LMF1: variants seen among roughly 807,000 people sequenced by gnomAD.
LMF1 encodes transmembrane protein 112.
LMF1 carries 68 observed loss-of-function variants against 60.6 expected under a neutral mutation model. The observed-to-expected ratio is 1.12, with a 90% CI of 0.92 to 1.37. The LOEUF is 1.37. LMF1 is among the 40% of genes most tolerant of loss of function. LMF1 has a pLI of 0.00. For synonymous variants in LMF1, 418 were observed against 324.7 expected (o/e 1.29, Z -3.09); for missense variants, 948 against 767.2 (o/e 1.24, Z -2.78).
At chr16:978,096 CGG>C (rs1567350754) in intron 1 of LMF1, among the ~76,000 whole-genome samples, 1 of 137,164 alleles carries the variant, frequency 7.3e-6, no homozygotes, top group African/African-American at 2.8e-5. Flanking sequence ...CAAACACACA[CGG>C]ACACACACAC....
chr16:893,285 T>G (rs1414609048), intron 4 of LMF1: 2 of 661,896 alleles, frequency 3.0e-6, no homozygotes, highest in Admixed American at 4.1e-5. Context: ...AGGAGTTTAG[T>G]GCACACCGCG....
chr16:855,800 T>C (rs1277490795), intron 10 of LMF1: 1 of 456,024 alleles, frequency 2.2e-6, no homozygotes. Context: ...AGCGACTGTC[T>C]GGGCTGCTGT....
intron 1 of LMF1, among the ~76,000 whole-genome samples, chr16:957,008 T>G (rs1014041472): frequency 1.3e-5 from 2 of 151,538 alleles, no homozygotes; most frequent in Non-Finnish European, 2.9e-5. Flanking sequence ...AATACAAAAA[T>G]TAGTCGGATG....
intron 5 of LMF1, among the ~76,000 whole-genome samples, chr16:888,736 TG>T (rs35181727): frequency 0.75 from 113,302 of 151,952 alleles, 42,277 homozygotes; most frequent in East Asian, 0.79. Flanking sequence ...CCAGAAGCAC[TG>T]GGGGGGGTCC....
rs553802836 is a variant in LMF1 at position 929,114 on chromosome 16, A to G, written c.514+5130T>C. ...CATCTCAGCGGCCAGTGGGGTCACA[A>G]TGCTGTCCCATCCCGCGCCTGAAAA... is the stretch of plus-strand genomic sequence containing the variant. On this transcript the variant is annotated intron_variant, in intron 3 of 10. Transcript: ENST00000262301. 3.0e-3 allele frequency among the ~76,000 whole-genome samples: 451 copies of G among 152,130 alleles called. 3 individuals carry two copies. The highest frequency in any genetic ancestry group is 0.01 in the African/African-American group (430 of 41,534).
chr16:888,465 T>A (rs2070377101), intron 5 of LMF1, among the ~76,000 whole-genome samples: 1 of 152,158 alleles, frequency 6.6e-6, no homozygotes, highest in Non-Finnish European at 1.5e-5. Context: ...CCTCACTCCA[T>A]CCTTCTTGAT....
rs773588783 is a variant in LMF1, at chr16:869,838, T to G, written c.1416+45A>C. ...CCTGCCATCTATGGGCAGAAGAGGG[T>G]GGGGTACAGGCAGGTCCATGCGCCC... On this transcript the variant is annotated intron_variant, in intron 9 of 10. Coordinates refer to ENST00000262301, the MANE Select transcript of LMF1 (RefSeq NM_022773.4). 1.6e-5 allele frequency: 25 copies of G among 1,576,638 alleles called. No individual in the cohort carries two copies. The South Asian group carries it at 2.7e-4, about 17-fold the overall frequency.
intron 10 of LMF1, among the ~76,000 whole-genome samples, chr16:868,251 G>A (rs962411144): frequency 4.6e-5 from 7 of 151,692 alleles, no homozygotes; most frequent in South Asian, 2.1e-4. Flanking sequence ...GTACCCCAGC[G>A]GGGCCCCATC....
intron 5 of LMF1, among the ~76,000 whole-genome samples, chr16:890,515 C>T (rs2070452194): frequency 6.6e-6 from 1 of 152,150 alleles, no homozygotes; most frequent in Non-Finnish European, 1.5e-5. Context: ...GCTCATGGCT[C>T]TCTGTGAGCC....
chr16:931,506 G>A (rs1349731725), intron 3 of LMF1: 10 of 565,238 alleles, frequency 1.8e-5, no homozygotes, highest in Non-Finnish European at 2.2e-5. Flanking sequence ...AGGAACGCAC[G>A]CACAAACTGC....
chr16:867,433 G>C (rs2069641126), intron 10 of LMF1, among the ~76,000 whole-genome samples: 1 of 152,220 alleles, frequency 6.6e-6, no homozygotes, highest in Non-Finnish European at 1.5e-5. Flanking sequence ...CAGGCACCGA[G>C]GAGGCTGCGA....
At chr16:964,425 G>A (rs755885645) in intron 1 of LMF1, among the ~76,000 whole-genome samples, 2 of 152,200 alleles carry the variant, frequency 1.3e-5, no homozygotes, top group Non-Finnish European at 2.9e-5. Context: ...CTTACTGGCC[G>A]TGGTTAAATT....
chr16:854,660 C>G lies in LMF1; in HGVS notation c.1576G>C (p.Gly526Arg), dbSNP rs766368885. The change falls in exon 11 of 11, where the codon GGC becomes CGC. Residue 526 changes from glycine (G) to arginine (R), a missense_variant. Coordinates refer to ENST00000262301, the MANE Select transcript of LMF1 (RefSeq NM_022773.4). ...CACTTGCCCTCGGCGGCGTGCCTGC[C>G]CCCAGGACGGCTGAACTTGTACCTG... is the stretch of plus-strand genomic sequence containing the variant. ...HYRYKFSRPG[G>R]RHAAEGKWWV... The G allele has an allele frequency of 2.5e-6, 4 of 1,604,884 alleles. No individual in the cohort carries two copies. The highest frequency in any genetic ancestry group is 3.4e-6 in the Non-Finnish European group (4 of 1,178,256).
rs1006671367 is a variant in LMF1 at position 885,324 on chromosome 16, A to C, written c.730-5587T>G. On this transcript the variant is annotated intron_variant, in intron 5 of 10. Coordinates refer to ENST00000262301, the MANE Select transcript of LMF1 (RefSeq NM_022773.4). Reference sequence around the variant, plus strand: ...GAAGGTGTAAAATAACAGCAACAAAAAGGAACAGAGAACACATGGGAGGAT... The same window carrying C: ...GAAGGTGTAAAATAACAGCAACAAACAGGAACAGAGAACACATGGGAGGAT... 3.9e-5 allele frequency among the ~76,000 whole-genome samples: 6 copies of C among 152,258 alleles called. No homozygotes were observed. In the South Asian group the frequency reaches 8.3e-4, roughly 21 times the overall value.
intron 3 of LMF1, among the ~76,000 whole-genome samples, chr16:929,663 G>A (rs550742092): frequency 1.2e-4 from 18 of 152,374 alleles, no homozygotes; most frequent in African/African-American, 3.1e-4. Flanking sequence ...ATTCATTACC[G>A]TCAGGCTCCT....
intron 10 of LMF1, among the ~76,000 whole-genome samples, chr16:863,544 T>C (rs182145220): frequency 4.6e-5 from 7 of 152,396 alleles, no homozygotes; most frequent in Admixed American, 4.6e-4. Flanking sequence ...ATCTCTTTGT[T>C]TCAATAAGTT....
intron 10 of LMF1, among the ~76,000 whole-genome samples, chr16:865,507 A>T (rs939249709): frequency 5.3e-5 from 8 of 151,354 alleles, no homozygotes; most frequent in African/African-American, 1.9e-4. Context: ...GTGGCACCAT[A>T]CTCGCTCATT....
intron 10 of LMF1, among the ~76,000 whole-genome samples, chr16:857,814 T>C (rs868264058): frequency 1.7e-3 from 32 of 18,730 alleles, no homozygotes; most frequent in South Asian, 6.8e-3. Context: ...TGTCTCGGGA[T>C]GGGTGTGAGT....
chr16:931,573 A>G, intron 3 of LMF1: 5 of 1,236,702 alleles, frequency 4.0e-6, no homozygotes, highest in South Asian at 3.8e-5. Context: ...CAGAGGTCTC[A>G]GATCAGGAAG....
Sources: gnomAD v4.1 joint callset for allele counts (sites outside exome capture counted in the v4.1 genomes callset) on GRCh38, gnomAD v4.1.1 for gene constraint, MANE v1.5 for transcripts, NCBI Gene and HGNC (gene_info 2026-07-23, HGNC 2026-07-21) for gene names.